GRID1: variants seen among roughly 807,000 people sequenced by gnomAD.
The protein encoded by GRID1 is glutamate receptor ionotropic, delta-1.
In GRID1, 28 loss-of-function variants were observed where a neutral mutation model predicts 98.0. The ratio of observed to expected loss-of-function variants is 0.29; its 90% CI spans 0.21 to 0.39. GRID1 has a LOEUF of 0.39. Ranked by LOEUF, GRID1 falls within the 10% of genes least tolerant of loss-of-function variation. The pLI is 1.00. For missense variants in GRID1, 1,111 were observed against 1,340.5 expected (o/e 0.83, Z 2.67); for synonymous variants, 553 against 538.5 (o/e 1.03, Z -0.37).
At chr10:85,909,906 T>C (rs542921819) in intron 5 of GRID1, among the ~76,000 whole-genome samples, 18 of 152,308 alleles carry the variant, frequency 1.2e-4, no homozygotes, top group Non-Finnish European at 2.4e-4. Flanking sequence ...ATGTATTGCA[T>C]GTCAATTAAA....
intron 2 of GRID1, among the ~76,000 whole-genome samples, chr10:86,356,894 G>C (rs146330203): frequency 6.2e-4 from 94 of 152,326 alleles, no homozygotes; most frequent in African/African-American, 2.1e-3. Flanking sequence ...GCAGTAGAAG[G>C]CTCAGTGAAG....
intron 4 of GRID1, among the ~76,000 whole-genome samples, chr10:85,924,705 A>C (rs1841751306): frequency 6.6e-6 from 1 of 152,236 alleles, no homozygotes; most frequent in African/African-American, 2.4e-5. Context: ...TTGCTATGGA[A>C]AAACAAGAAA....
intron 3 of GRID1, among the ~76,000 whole-genome samples, chr10:86,190,915 TGA>T (rs1589404662): frequency 6.6e-6 from 1 of 152,268 alleles, no homozygotes; most frequent in East Asian, 1.9e-4. Flanking sequence ...CATGCATGCA[TGA>T]GTGTGTACCT....
intron 6 of GRID1, among the ~76,000 whole-genome samples, chr10:85,856,918 A>G (rs1843115767): frequency 6.6e-6 from 1 of 152,244 alleles, no homozygotes; most frequent in South Asian, 2.1e-4. Context: ...TGAGCCCTGC[A>G]AAGACTTAGG....
chr10:86,270,684 C>T (rs10887571), intron 2 of GRID1, among the ~76,000 whole-genome samples: 47,843 of 151,714 alleles, frequency 0.32, 9,419 homozygotes, highest in Non-Finnish European at 0.44. Flanking sequence ...AGCGAGACTC[C>T]GTCTCAAAAA....
intron 2 of GRID1, 26 bp downstream of exon 2, chr10:86,363,915 G>A: frequency 4.4e-6 from 7 of 1,603,762 alleles, no homozygotes; most frequent in Middle Eastern, 1.7e-4. Context: ...GTGTCCCAGT[G>A]GGCCCTGGGC....
chr10:85,898,561 T>C (rs1275054526), intron 5 of GRID1, among the ~76,000 whole-genome samples: 1 of 152,190 alleles, frequency 6.6e-6, no homozygotes, highest in African/African-American at 2.4e-5. Flanking sequence ...GTTTTCTTTA[T>C]ATACTTATTC....
chr10:86,025,915 A>C (rs1175535300), intron 4 of GRID1, among the ~76,000 whole-genome samples: 1 of 152,210 alleles, frequency 6.6e-6, no homozygotes, highest in Non-Finnish European at 1.5e-5. Context: ...TGTTCTGAGG[A>C]ACCTGCCTCT....
At chr10:85,674,870 A>C (rs1442725636) in intron 12 of GRID1, among the ~76,000 whole-genome samples, 1 of 152,166 alleles carries the variant, frequency 6.6e-6, no homozygotes, top group East Asian at 1.9e-4. Context: ...TCAGGAGGAG[A>C]CATATGTAGG....
At chr10:86,114,765 G>A (rs1844547552) in intron 4 of GRID1, among the ~76,000 whole-genome samples, 1 of 152,162 alleles carries the variant, frequency 6.6e-6, no homozygotes. Context: ...CTATTCGGAG[G>A]GAAACTGGTA....
intron 4 of GRID1, among the ~76,000 whole-genome samples, chr10:86,094,786 A>G (rs1047381297): frequency 6.6e-6 from 1 of 151,978 alleles, no homozygotes; most frequent in Non-Finnish European, 1.5e-5. Flanking sequence ...TACAAATTCA[A>G]CGCAATCCCC....
chr10:85,684,447 A>G (rs1344972739), intron 12 of GRID1, among the ~76,000 whole-genome samples: 2 of 152,218 alleles, frequency 1.3e-5, no homozygotes, highest in Admixed American at 1.3e-4. Flanking sequence ...AGAACTATCT[A>G]TGTAATTTGT....
chr10:85,914,345 T>C (rs927058472), intron 5 of GRID1, among the ~76,000 whole-genome samples: 4 of 152,154 alleles, frequency 2.6e-5, no homozygotes, highest in Admixed American at 1.3e-4. Context: ...AAAACCAGCA[T>C]CAGACATTTG....
At chr10:86,131,459 G>C (rs1362136645) in intron 4 of GRID1, among the ~76,000 whole-genome samples, 1 of 152,160 alleles carries the variant, frequency 6.6e-6, no homozygotes, top group African/African-American at 2.4e-5. Flanking sequence ...CTGACACTCT[G>C]CTCCGCTATT....
At chr10:86,285,445 C>A (rs1363514274) in intron 2 of GRID1, among the ~76,000 whole-genome samples, 2 of 152,218 alleles carry the variant, frequency 1.3e-5, no homozygotes, top group African/African-American at 4.8e-5. Context: ...CACCGCCTGT[C>A]ACAGAAACAA....
intron 4 of GRID1, among the ~76,000 whole-genome samples, chr10:85,949,833 T>TTG (rs1435860011): frequency 1.3e-5 from 2 of 152,164 alleles, no homozygotes; most frequent in Non-Finnish European, 2.9e-5. Flanking sequence ...TATGTGTTTC[T>TTG]TGTGTGTGTG....
intron 2 of GRID1, among the ~76,000 whole-genome samples, chr10:86,256,792 A>G (rs1462772125): frequency 2.0e-5 from 3 of 151,892 alleles, no homozygotes; most frequent in Non-Finnish European, 4.4e-5. Flanking sequence ...GCCTCTATGG[A>G]CTCAGCTCCT....
chr10:85,905,753 A>G (rs1841452393), intron 5 of GRID1, among the ~76,000 whole-genome samples: 1 of 152,120 alleles, frequency 6.6e-6, no homozygotes, highest in African/African-American at 2.4e-5. Context: ...ACTTTTTTAA[A>G]AGAGTTATAG....
chr10:85,711,531 T>A (rs1841581818), intron 12 of GRID1, among the ~76,000 whole-genome samples: 1 of 151,900 alleles, frequency 6.6e-6, no homozygotes, highest in Admixed American at 6.6e-5. Flanking sequence ...AAGATGAAGT[T>A]TTCTGGAGAT....
Sources: allele counts gnomAD v4.1 joint callset (sites outside exome capture counted in the v4.1 genomes callset), GRCh38; gene constraint gnomAD v4.1.1; transcripts MANE v1.5; gene names NCBI Gene and HGNC (gene_info 2026-07-23, HGNC 2026-07-21).